COL19A1: variants seen among roughly 807,000 people sequenced by gnomAD.
The protein encoded by COL19A1 is collagen alpha-1(XIX) chain.
A neutral mutation model predicts 190.2 loss-of-function variants in COL19A1; 159 were observed. That is an observed-to-expected ratio of 0.84 (90% confidence interval 0.73 to 0.95). COL19A1 has a LOEUF of 0.95. Among genes scored for constraint, COL19A1 ranks in the 40% least tolerant of loss-of-function variants. The pLI, the probability that COL19A1 is intolerant of heterozygous loss-of-function variation, is 0.00. For synonymous variants in COL19A1, 509 were observed against 458.9 expected (o/e 1.11, Z -1.39); for missense variants, 1,418 against 1,431.9 (o/e 0.99, Z 0.16).
chr6:70,010,632 G>A lies in COL19A1; in HGVS notation c.1027-12995G>A, dbSNP rs1323776300. On this transcript the variant is annotated intron_variant, in intron 11 of 50. Coordinates refer to ENST00000620364, the MANE Select transcript of COL19A1 (RefSeq NM_001858.6). ...CTGGAAAATAGGGTCACTCCCACCC[G>A]AATATTGCGCTTTTCAGACCGGCTT... Among the ~76,000 whole-genome samples the A allele has an allele frequency of 8.6e-5, 12 of 139,776 alleles. 1 individual carries two copies. Among genetic ancestry groups the A allele is most frequent in the East Asian group, 6.8e-4 (3 of 4,426 alleles). 91.7% of individuals were successfully genotyped at this position (139,776 alleles called of 152,430 possible).
At chr6:70,004,690 T>C (rs567280354) in intron 11 of COL19A1, among the ~76,000 whole-genome samples, 4 of 152,340 alleles carry the variant, frequency 2.6e-5, no homozygotes, top group East Asian at 1.9e-4. Flanking sequence ...CTTCATGAAG[T>C]ACTATTGCTA....
chr6:70,023,355 C>G (rs148323693), intron 11 of COL19A1, among the ~76,000 whole-genome samples: 2 of 151,930 alleles, frequency 1.3e-5, no homozygotes, highest in African/African-American at 4.8e-5. Context: ...AGGCTGGTCT[C>G]GAAATCCTGA....
At chr6:70,159,090 C>G (rs1787616436) in intron 34 of COL19A1, among the ~76,000 whole-genome samples, 1 of 150,786 alleles carries the variant, frequency 6.6e-6, no homozygotes, top group Admixed American at 6.6e-5. Flanking sequence ...ATAAATTAGA[C>G]TATCTAAAAA....
At chr6:70,086,477 T>C (rs1349201864) in intron 15 of COL19A1, among the ~76,000 whole-genome samples, 6 of 152,230 alleles carry the variant, frequency 3.9e-5, no homozygotes, top group Non-Finnish European at 7.3e-5. Flanking sequence ...TAATCTATGA[T>C]ATTTTGTTGA....
chr6:69,929,640 T>C lies in COL19A1; in HGVS notation c.606T>C (p.Thr202=). The C allele has an allele frequency of 2.5e-6, 4 of 1,614,014 alleles. No individual in the cohort carries two copies. The highest frequency in any genetic ancestry group is 1.1e-5 in the South Asian group (1 of 91,084). ...IARRQTDEKD[T]VDFHGRTVIA... ...GGAGGCAGACTGATGAAAAGGACAC[T>C]GTGGATTTCCATGGACGGACAGTTA... The change falls in exon 6 of 51, where the codon ACT becomes ACC. Residue 202 remains threonine (T), a synonymous_variant. Transcript: ENST00000620364.
intron 15 of COL19A1, among the ~76,000 whole-genome samples, chr6:70,089,747 G>A (rs190477317): frequency 2.6e-5 from 4 of 152,208 alleles, no homozygotes; most frequent in East Asian, 1.9e-4. Flanking sequence ...TCTCCCTTGA[G>A]TACAAGTTCA....
In COL19A1 at chr6:69,947,825, G is replaced by T. The variant is rs532968813; in HGVS notation, c.936+9725G>T. Among the ~76,000 whole-genome samples, 13 of 151,844 alleles carry T rather than the reference G, an allele frequency of 8.6e-5. No individual in the cohort carries two copies. In the East Asian group the frequency reaches 9.7e-4, roughly 11 times the overall value. On this transcript the variant is annotated intron_variant, in intron 9 of 50. Coordinates refer to ENST00000620364, the MANE Select transcript of COL19A1 (RefSeq NM_001858.6). ...TTTCCTTTCATAAATTATTCAGTCT[G>T]ATATGCAAATTCTTTACTCCTATAG...
intron 9 of COL19A1, among the ~76,000 whole-genome samples, chr6:69,942,884 C>G (rs1438917675): frequency 6.6e-6 from 1 of 151,906 alleles, no homozygotes; most frequent in Non-Finnish European, 1.5e-5. Flanking sequence ...ATCTTTTCAC[C>G]ATACTTATTT....
chr6:70,137,019 A>G (rs1785913515), intron 18 of COL19A1, among the ~76,000 whole-genome samples: 1 of 152,124 alleles, frequency 6.6e-6, no homozygotes, highest in South Asian at 2.1e-4. Context: ...CTCATTAGTG[A>G]TATAACTCCT....
At chr6:70,149,649 T>C in intron 27 of COL19A1, 55 bp from the exon 28 acceptor site, 1 of 1,599,212 alleles carries the variant, frequency 6.3e-7, no homozygotes, top group Non-Finnish European at 8.5e-7. Flanking sequence ...GTCACTTGGA[T>C]AATTTATGGA....
At chr6:69,967,540 T>C (rs901236370) in intron 11 of COL19A1, among the ~76,000 whole-genome samples, 1 of 152,222 alleles carries the variant, frequency 6.6e-6, no homozygotes, top group Non-Finnish European at 1.5e-5. Flanking sequence ...TGGGTTATAC[T>C]AATAACAATA....
chr6:70,164,450 A>G (rs555073149), intron 36 of COL19A1, among the ~76,000 whole-genome samples: 5 of 152,280 alleles, frequency 3.3e-5, no homozygotes, highest in African/African-American at 9.6e-5. Flanking sequence ...TAATGACATC[A>G]AGGAGCAAAG....
chr6:70,055,967 A>G (rs1463934204), intron 14 of COL19A1, among the ~76,000 whole-genome samples: 1 of 151,040 alleles, frequency 6.6e-6, no homozygotes, highest in Non-Finnish European at 1.5e-5. Context: ...AAATTTTCTC[A>G]TTGAGTTTCT....
chr6:70,103,286 C>T (rs142229272), intron 16 of COL19A1, among the ~76,000 whole-genome samples: 6 of 152,270 alleles, frequency 3.9e-5, no homozygotes, highest in African/African-American at 7.2e-5. Context: ...TCACTGTCAA[C>T]GGCCTTAGTT....
intron 11 of COL19A1, among the ~76,000 whole-genome samples, chr6:69,998,274 AATTT>A (rs563385894): frequency 3.0e-4 from 45 of 152,088 alleles, no homozygotes; most frequent in Middle Eastern, 3.4e-3. Context: ...TTTGCAACAC[AATTT>A]ATTTATTTAT....
chr6:70,142,566 T>C (rs1259954704), intron 22 of COL19A1, among the ~76,000 whole-genome samples: 2 of 152,132 alleles, frequency 1.3e-5, no homozygotes, highest in Non-Finnish European at 2.9e-5. Flanking sequence ...TGAGAACACA[T>C]AAATTAAAAG....
intron 39 of COL19A1, among the ~76,000 whole-genome samples, chr6:70,168,430 T>A (rs1765298005): frequency 6.6e-6 from 1 of 152,206 alleles, no homozygotes; most frequent in Admixed American, 6.5e-5. Context: ...TGGTGTCACT[T>A]TTTTCATTGC....
At chr6:69,966,192 T>TG (rs1360867435) in intron 11 of COL19A1, among the ~76,000 whole-genome samples, 1 of 151,542 alleles carries the variant, frequency 6.6e-6, no homozygotes, top group Non-Finnish European at 1.5e-5. Flanking sequence ...GTGCGGGAGG[T>TG]GGGGGGCACC....
intron 11 of COL19A1, among the ~76,000 whole-genome samples, chr6:70,020,122 A>G (rs1320787455): frequency 1.3e-5 from 2 of 152,036 alleles, no homozygotes; most frequent in South Asian, 2.1e-4. Flanking sequence ...TGCCATCTAG[A>G]ATTTCTTGTG....
Sources: gnomAD v4.1 joint callset for allele counts (sites outside exome capture counted in the v4.1 genomes callset) on GRCh38, gnomAD v4.1.1 for gene constraint, MANE v1.5 for transcripts, NCBI Gene and HGNC (gene_info 2026-07-23, HGNC 2026-07-21) for gene names.